The following C15orf40 variants were observed in gnomAD, a reference collection of about 807,000 sequenced individuals.
C15orf40 encodes the protein UPF0235 protein C15orf40.
A neutral mutation model predicts 13.9 loss-of-function variants in C15orf40; 9 were observed. That is an observed-to-expected ratio of 0.65 (90% confidence interval 0.39 to 1.13). C15orf40 has a LOEUF of 1.13. Among genes scored for constraint, C15orf40 ranks in the 50% most tolerant of loss-of-function variants. The pLI is 0.01. For synonymous variants in C15orf40, 95 were observed against 69.2 expected (o/e 1.37, Z -1.85); for missense variants, 225 against 188.5 (o/e 1.19, Z -1.13).
chr15:83,008,746 A>G lies in C15orf40; in HGVS notation c.239-71T>C, dbSNP rs2151291424. On this transcript the variant is annotated intron_variant, in intron 2 of 3. Transcript: ENST00000304177. ...CTTCATGAAGCAAGGACATTTTGTA[A>G]AAGAGTTTTTGCATTTGCCTGGCAC... is the stretch of plus-strand genomic sequence containing the variant. 8 of 1,496,178 alleles carry G rather than the reference A, an allele frequency of 5.3e-6. No individual in the cohort carries two copies. The South Asian group carries it at 8.1e-5, about 15-fold the overall frequency. The allele number at this position is 1,496,178 out of a possible 1,614,324, so 92.7% of individuals were successfully genotyped here.
At chr15:82,992,929 G>T (rs1229502281), downstream of C15orf40, among the ~76,000 whole-genome samples, 1 of 151,984 alleles carries the variant, frequency 6.6e-6, no homozygotes, top group Non-Finnish European at 1.5e-5. Flanking sequence ...AGAAATAAAA[G>T]GTACAGTTTC....
In C15orf40 at chr15:82,997,714, T is replaced by G; in HGVS notation, c.*7883A>C. On this transcript the variant is annotated 3_prime_UTR_variant, in exon 4 of 4. Coordinates refer to ENST00000304177, the MANE Select transcript of C15orf40 (RefSeq NM_144597.3). ...TCCTGGCCCGTTCTCAATGAGCTGTTGGGCACACCTCCCAGACGGGGTGGT... is the reference window on the plus strand; with the variant it reads ...TCCTGGCCCGTTCTCAATGAGCTGTGGGGCACACCTCCCAGACGGGGTGGT... 5.9e-6 allele frequency: 1 copy of G among 169,964 alleles called. No homozygotes were observed. The allele number at this position is 169,964 out of a possible 1,614,324, so 10.5% of individuals were successfully genotyped here.
At chr15:82,989,203 G>A (rs2030754345), downstream of C15orf40, 2 of 1,609,368 alleles carry the variant, frequency 1.2e-6, no homozygotes, top group Non-Finnish European at 1.7e-6. Flanking sequence ...GTATTCAAAA[G>A]AATAAATGCA....
In C15orf40 at chr15:83,003,119, T is replaced by G. The variant is rs2031490126; in HGVS notation, c.*2478A>C. 2 of 141,220 alleles carry G rather than the reference T, an allele frequency of 1.4e-5. No individual in the cohort carries two copies. Among genetic ancestry groups the G allele is most frequent in the South Asian group, 4.4e-4 (2 of 4,526 alleles). The allele number at this position is 141,220 out of a possible 1,614,324, so 8.7% of individuals were successfully genotyped here. On this transcript the variant is annotated 3_prime_UTR_variant, in exon 4 of 4. Transcript: ENST00000304177. Reference sequence around the variant, plus strand: ...GCCAACACGCCTGACCAAAAGTTGATCCTTTTTTTTTTTTTTTTTTTTTGA... The same window carrying G: ...GCCAACACGCCTGACCAAAAGTTGAGCCTTTTTTTTTTTTTTTTTTTTTGA...
In C15orf40 at chr15:83,011,307, G is replaced by C. The variant is rs12910072; in HGVS notation, c.111+190C>G. The C allele has an allele frequency of 6.9e-3, 3,817 of 554,130 alleles. 34 individuals carry two copies. Among genetic ancestry groups the C allele is most frequent in the Non-Finnish European group, 7.8e-3 (2,689 of 344,190 alleles). 34.3% of individuals were successfully genotyped at this position (554,130 alleles called of 1,614,324 possible). ...AAATCACCAGGTGGACGGCAGCGCA[G>C]CCTACTGAGGCGGGGCGACGGCAGC... On this transcript the variant is annotated intron_variant, in intron 1 of 3. Transcript: ENST00000304177.
chr15:83,007,147 A>G (rs948588719), intron 3 of C15orf40, among the ~76,000 whole-genome samples: 1 of 152,200 alleles, frequency 6.6e-6, no homozygotes, highest in Admixed American at 6.5e-5. Flanking sequence ...AATCATTCCC[A>G]GGTGACTTTG....
In C15orf40 at chr15:83,008,648, G is replaced by C; in HGVS notation, c.266C>G (p.Ala89Gly). 1 of 1,612,330 alleles carries C rather than the reference G, an allele frequency of 6.2e-7. No homozygotes were observed. Among genetic ancestry groups the C allele is most frequent in the Non-Finnish European group, 8.5e-7 (1 of 1,179,406 alleles). ...TDLTAEAVNV[A>G]IAAPPSEGEA... is the part of the protein sequence containing the mutation. ...TCCCTCTGATGGAGGTGCTGCAATA[G>C]CTACATTTACAGCCTCTGCTGTCAA... The change falls in exon 3 of 4, where the codon GCT becomes GGT. Residue 89 changes from alanine (A) to glycine (G), a missense_variant. Transcript: ENST00000304177.
rs1007784275 is a variant in C15orf40, at chr15:83,003,644, T to C, written c.*1953A>G. The C allele has an allele frequency of 5.9e-5, 9 of 152,276 alleles. 1 individual carries two copies. Among genetic ancestry groups the C allele is most frequent in the Admixed American group, 5.9e-4 (9 of 15,280 alleles). The allele number at this position is 152,276 out of a possible 1,614,324, so 9.4% of individuals were successfully genotyped here. On this transcript the variant is annotated 3_prime_UTR_variant, in exon 4 of 4. Coordinates refer to ENST00000304177, the MANE Select transcript of C15orf40 (RefSeq NM_144597.3). ...GGCTTAAACCAAGCTCTGCCATTAA[T>C]GTGCACTGTGATCTCACATAAGCCA...
intron 1 of C15orf40, chr15:83,010,714 A>G (rs768431343): frequency 1.2e-4 from 23 of 192,082 alleles, no homozygotes; most frequent in Non-Finnish European, 2.0e-4. Flanking sequence ...GAGCTAATAA[A>G]TGTTGGTGAA....
At chr15:82,994,706 TTCAG>T (rs1190472129), downstream of C15orf40, 2 of 152,188 alleles carry the variant, frequency 1.3e-5, no homozygotes, top group African/African-American at 4.8e-5. Context: ...GAATTTTTCT[TTCAG>T]TATCTTGCAT....
chr15:83,011,526 T>G lies in C15orf40; in HGVS notation c.82A>C (p.Met28Leu), dbSNP rs140417286. The G allele has an allele frequency of 3.3e-4, 534 of 1,607,446 alleles. No individual in the cohort carries two copies. The highest frequency in any genetic ancestry group is 1.7e-3 in the South Asian group (152 of 90,906). Residue 28 changes from methionine (M) to leucine (L), a missense_variant, in exon 1 of 4, where the codon ATG (methionine) becomes CTG (leucine). Met to Leu is a conservative substitution (Grantham distance 15). Coordinates refer to ENST00000304177, the MANE Select transcript of C15orf40 (RefSeq NM_144597.3). ...GTCGTCGCACCAGCCTTCTTAGGCA[T>G]CTCGGCGCAAAGAAGCCGAGCGGAG... ...RGSARLLCAE[M>L]PKKAGATTKG...
In C15orf40 at chr15:82,996,378, C is replaced by G. The variant is rs1302083947; in HGVS notation, c.*9219G>C. ...ATAATAAAGCTGGCGCGGTGGCTCA[C>G]GCCTGTAATCCCAGTACTTTGGGAG... is the stretch of plus-strand genomic sequence containing the variant. On this transcript the variant is annotated 3_prime_UTR_variant, in exon 4 of 4. Coordinates refer to ENST00000304177, the MANE Select transcript of C15orf40 (RefSeq NM_144597.3). 1 of 152,256 alleles carries G rather than the reference C, an allele frequency of 6.6e-6. No individual in the cohort carries two copies. Among genetic ancestry groups the G allele is most frequent in the Admixed American group, 6.5e-5 (1 of 15,278 alleles). The allele number at this position is 152,256 out of a possible 1,614,324, so 9.4% of individuals were successfully genotyped here. A position where few individuals can be genotyped will look rare whatever the true frequency, so the allele number is the denominator to read the frequency against.
In C15orf40 at chr15:82,994,985, A is replaced by G. The variant is rs189438673; in HGVS notation, c.*10612T>C. ...ATTCAGGATTCAGATATATCCAGAT[A>G]TGACATAATATCTAAACAAAGATTT... On this transcript the variant is annotated 3_prime_UTR_variant, in exon 4 of 4. Transcript: ENST00000304177. The G allele has an allele frequency of 2.0e-5, 3 of 152,242 alleles. No homozygotes were observed. Among genetic ancestry groups the G allele is most frequent in the Non-Finnish European group, 4.4e-5 (3 of 68,046 alleles). 9.4% of individuals were successfully genotyped at this position (152,242 alleles called of 1,614,324 possible). A position where few individuals can be genotyped will look rare whatever the true frequency, so the allele number is the denominator to read the frequency against.
chr15:82,996,334 C>T lies in C15orf40; in HGVS notation c.*9263G>A. The T allele has an allele frequency of 6.6e-6, 1 of 152,204 alleles. No individual in the cohort carries two copies. The highest frequency in any genetic ancestry group is 1.9e-4 in the East Asian group (1 of 5,198). The allele number at this position is 152,204 out of a possible 1,614,324, so 9.4% of individuals were successfully genotyped here. A position where few individuals can be genotyped will look rare whatever the true frequency, so the allele number is the denominator to read the frequency against. ...TATTTTTCTCATTTTAAAATTTCCT[C>T]AACTTGTGTGTTTACAAAATAATAA... is the stretch of plus-strand genomic sequence containing the variant. On this transcript the variant is annotated 3_prime_UTR_variant, in exon 4 of 4. Coordinates refer to ENST00000304177, the MANE Select transcript of C15orf40 (RefSeq NM_144597.3).
In C15orf40 at chr15:83,004,885, T is replaced by G; in HGVS notation, c.*712A>C. 2.3e-6 allele frequency: 3 copies of G among 1,304,350 alleles called. No homozygotes were observed. Among genetic ancestry groups the G allele is most frequent in the Non-Finnish European group, 3.0e-6 (3 of 988,316 alleles). The allele number at this position is 1,304,350 out of a possible 1,614,324, so 80.8% of individuals were successfully genotyped here. On this transcript the variant is annotated 3_prime_UTR_variant, in exon 4 of 4. Coordinates refer to ENST00000304177, the MANE Select transcript of C15orf40 (RefSeq NM_144597.3). ...GAGATATGATTTTTAATTTACAATC[T>G]AGAAAAACTGCATTCAACAAGTAGT...
chr15:83,003,543 A>G lies in C15orf40; in HGVS notation c.*2054T>C, dbSNP rs1180627444. 6.6e-6 allele frequency: 1 copy of G among 152,210 alleles called. No individual in the cohort carries two copies. Among genetic ancestry groups the G allele is most frequent in the Non-Finnish European group, 1.5e-5 (1 of 68,052 alleles). 9.4% of individuals were successfully genotyped at this position (152,210 alleles called of 1,614,324 possible). A position where few individuals can be genotyped will look rare whatever the true frequency, so the allele number is the denominator to read the frequency against. ...GCAATGGTCTTGAGAAAGAGTGGGA[A>G]AAGCTCTTAAGACCATGTAAAACAG... On this transcript the variant is annotated 3_prime_UTR_variant, in exon 4 of 4. Coordinates refer to ENST00000304177, the MANE Select transcript of C15orf40 (RefSeq NM_144597.3).
In C15orf40 at chr15:83,004,750, T is replaced by G. The variant is rs1324026198; in HGVS notation, c.*847A>C. On this transcript the variant is annotated 3_prime_UTR_variant, in exon 4 of 4. Transcript: ENST00000304177. ...TGTAAAAAAAAAATTTTTTTTACATTTAAATAAGCATTTAAAAATCTAAGG... is the reference window on the plus strand; with the variant it reads ...TGTAAAAAAAAAATTTTTTTTACATGTAAATAAGCATTTAAAAATCTAAGG... 14 of 1,018,244 alleles carry G rather than the reference T, an allele frequency of 1.4e-5. No homozygotes were observed. Among genetic ancestry groups the G allele is most frequent in the Non-Finnish European group, 1.4e-5 (12 of 840,966 alleles). The allele number at this position is 1,018,244 out of a possible 1,614,324, so 63.1% of individuals were successfully genotyped here.
rs1448874487 is a variant in C15orf40, at chr15:82,998,005, G to A, written c.*7592C>T. 1 of 137,292 alleles carries A rather than the reference G, an allele frequency of 7.3e-6. No individual in the cohort carries two copies. Among genetic ancestry groups the A allele is most frequent in the Non-Finnish European group, 1.6e-5 (1 of 62,040 alleles). 8.5% of individuals were successfully genotyped at this position (137,292 alleles called of 1,614,324 possible). A position where few individuals can be genotyped will look rare whatever the true frequency, so the allele number is the denominator to read the frequency against. ...TCCCGGACGGGGCGGCTGGCCAGGC[G>A]GGGGGCTGACCCCCCCACCTCCCTC... On this transcript the variant is annotated 3_prime_UTR_variant, in exon 4 of 4. Coordinates refer to ENST00000304177, the MANE Select transcript of C15orf40 (RefSeq NM_144597.3).
At position 83,008,581 on chromosome 15, in the gene C15orf40, T is replaced by C. The variant is rs1290666922; in HGVS notation, c.333A>G (p.Leu111=). ...AAACCACATCACTCTTCCTGAGTTC[T>C]AGGACCTTGGAAAGATACCGACAGA... The part of the protein sequence containing the change: ...AELCRYLSKV[L]ELRKSDVVLD... The change falls in exon 3 of 4, where the codon CTA becomes CTG. Residue 111 remains leucine (L), a synonymous_variant. Transcript: ENST00000304177. 5 of 1,613,754 alleles carry C rather than the reference T, an allele frequency of 3.1e-6. No individual in the cohort carries two copies. Among genetic ancestry groups the C allele is most frequent in the African/African-American group, 1.3e-5 (1 of 74,886 alleles).
Sources: gnomAD v4.1 joint callset for allele counts (sites outside exome capture counted in the v4.1 genomes callset) on GRCh38, gnomAD v4.1.1 for gene constraint, MANE v1.5 for transcripts, NCBI Gene and HGNC (gene_info 2026-07-23, HGNC 2026-07-21) for gene names.